Variants in PRKCE observed in about 807,000 individuals in gnomAD.
PRKCE encodes the protein protein kinase C epsilon type.
A neutral mutation model predicts 85.4 loss-of-function variants in PRKCE; 16 were observed. That is an observed-to-expected ratio of 0.19 (90% CI 0.13 to 0.28). PRKCE has a LOEUF of 0.28. PRKCE is among the 10% of genes least tolerant of loss of function. The probability of loss-of-function intolerance (pLI) is 1.00; values close to 1 mark genes in which losing one functional copy is unlikely to be tolerated. For synonymous variants in PRKCE, 388 were observed against 371.5 expected, an observed-to-expected ratio of 1.04 and a Z score of -0.51; for missense variants, 573 against 975.2, an observed-to-expected ratio of 0.59 and a Z score of 5.49.
intron 2 of PRKCE, among the ~76,000 whole-genome samples, chr2:45,963,183 C>T (rs911642612): frequency 1.3e-5 from 2 of 152,066 alleles, no homozygotes; most frequent in Admixed American, 6.5e-5. Context: ...TCAGTAGGAA[C>T]CAAAAAACCA....
At chr2:45,911,283 A>G (rs953514984) in intron 2 of PRKCE, among the ~76,000 whole-genome samples, 1 of 152,200 alleles carries the variant, frequency 6.6e-6, no homozygotes, top group African/African-American at 2.4e-5. Context: ...CTGTTGCACA[A>G]CCTTCCCTAC....
intron 10 of PRKCE, among the ~76,000 whole-genome samples, chr2:46,027,077 G>A (rs548785535): frequency 1.3e-5 from 2 of 152,328 alleles, no homozygotes; most frequent in South Asian, 4.1e-4. Context: ...GCTAAGGTGG[G>A]AGGATCGCTT....
At chr2:46,103,727 T>C (rs1671454280) in intron 11 of PRKCE, among the ~76,000 whole-genome samples, 2 of 152,132 alleles carry the variant, frequency 1.3e-5, no homozygotes, top group South Asian at 2.1e-4. Context: ...ATTCTTAAAA[T>C]GTAAGCTAGA....
intron 1 of PRKCE, among the ~76,000 whole-genome samples, chr2:45,752,993 C>A (rs926444265): frequency 6.6e-6 from 1 of 152,112 alleles, no homozygotes; most frequent in East Asian, 1.9e-4. Flanking sequence ...AGCTTTCCTG[C>A]GGCACACACA....
At chr2:45,916,165 A>C (rs963794263) in intron 2 of PRKCE, among the ~76,000 whole-genome samples, 1 of 144,596 alleles carries the variant, frequency 6.9e-6, no homozygotes, top group African/African-American at 2.4e-5. Flanking sequence ...TTTCCTTTAA[A>C]ATTTTCTAAA....
At chr2:45,988,004 C>G (rs138553817) in intron 6 of PRKCE, among the ~76,000 whole-genome samples, 1 of 152,186 alleles carries the variant, frequency 6.6e-6, no homozygotes, top group African/African-American at 2.4e-5. Context: ...CAAGCATCCC[C>G]GAGCAAGTCC....
rs1574697746 is a variant in PRKCE, at chr2:46,184,229, G to T, written c.2068-506G>T. 2.0e-5 allele frequency among the ~76,000 whole-genome samples: 3 copies of T among 152,278 alleles called. No individual in the cohort carries two copies. The highest frequency in any genetic ancestry group is 6.8e-3 in the Middle Eastern group (2 of 294). ...ACTGGAGCACAAAATTGGGTTCGTG[G>T]TGAGAGTAAGTGGAAATCGAGGCAG... is the stretch of plus-strand genomic sequence containing the variant. On this transcript the variant is annotated intron_variant, in intron 14 of 14. Transcript: ENST00000306156. This position sits in a 1 kb window ranked among gnomAD's most constrained non-coding sequence, Gnocchi z 5.0.
chr2:46,126,423 G>C (rs1047279345), intron 11 of PRKCE, among the ~76,000 whole-genome samples: 3 of 151,960 alleles, frequency 2.0e-5, no homozygotes, highest in Admixed American at 1.3e-4. Flanking sequence ...CCTTAGGAGG[G>C]GCACTGAACC....
chr2:46,048,217 G>A (rs1176474071), intron 10 of PRKCE, among the ~76,000 whole-genome samples: 1 of 152,110 alleles, frequency 6.6e-6, no homozygotes, highest in East Asian at 1.9e-4. Flanking sequence ...CTAGCCATAG[G>A]ACCTTAGGGC....
chr2:46,116,976 T>C (rs12618703), intron 11 of PRKCE, among the ~76,000 whole-genome samples: 4,623 of 152,286 alleles, frequency 0.03, 129 homozygotes, highest in East Asian at 0.11. Flanking sequence ...AAGAAAATTA[T>C]TGGTCAAATT....
chr2:46,033,586 G>A (rs951423990), intron 10 of PRKCE, among the ~76,000 whole-genome samples: 1 of 152,206 alleles, frequency 6.6e-6, no homozygotes, highest in African/African-American at 2.4e-5. Flanking sequence ...CTGCCTGATA[G>A]TGGCATAGAC....
At chr2:45,869,670 ATTTTTCTTTTTG>A (rs1278839608) in intron 2 of PRKCE, among the ~76,000 whole-genome samples, 1 of 119,300 alleles carries the variant, frequency 8.4e-6, no homozygotes, top group African/African-American at 3.2e-5. Context: ...GGTCTGTTAC[ATTTTTCTTTTTG>A]TTTTTGTTTT....
intron 12 of PRKCE, among the ~76,000 whole-genome samples, chr2:46,150,241 G>A (rs1676486504): frequency 6.6e-6 from 1 of 152,172 alleles, no homozygotes. Context: ...AGGAAAAAGA[G>A]AGACAGCATA....
intron 1 of PRKCE, among the ~76,000 whole-genome samples, chr2:45,746,610 T>C (rs1573181025): frequency 1.3e-5 from 2 of 152,234 alleles, no homozygotes; most frequent in East Asian, 1.9e-4. Flanking sequence ...TATTCTTTGA[T>C]GGTTTGTGCC....
chr2:45,910,273 T>C lies in PRKCE; in HGVS notation c.413-66156T>C, dbSNP rs1400218705. Among the ~76,000 whole-genome samples the C allele has an allele frequency of 2.6e-5, 4 of 152,204 alleles. No homozygotes were observed. The East Asian group carries it at 7.7e-4, about 29-fold the overall frequency. ...ATTGTCACTGTGAACTGGTTGTTCT[T>C]GAGTCCCAGTGGCTGTGTGCAGAGT... On this transcript the variant is annotated intron_variant, in intron 2 of 14. Transcript: ENST00000306156.
intron 2 of PRKCE, among the ~76,000 whole-genome samples, chr2:45,939,424 C>T (rs149011507): frequency 3.9e-5 from 6 of 152,272 alleles, no homozygotes; most frequent in African/African-American, 1.2e-4. Flanking sequence ...CATTTCATAC[C>T]GTATTCTCCT....
intron 1 of PRKCE, among the ~76,000 whole-genome samples, chr2:45,662,336 A>G (rs1675707584): frequency 6.6e-6 from 1 of 152,208 alleles, no homozygotes; most frequent in Admixed American, 6.5e-5. Context: ...AATAACATAA[A>G]TATATGATCT....
intron 6 of PRKCE, among the ~76,000 whole-genome samples, chr2:45,988,549 GAGGGGCCAGACCCTTGC>G (rs1703530668): frequency 6.6e-6 from 1 of 152,242 alleles, no homozygotes; most frequent in South Asian, 2.1e-4. Context: ...CACAGCCACA[GAGGGGCCAGACCCTTGC>G]AGGATGCTCA....
chr2:45,705,597 T>A (rs1679050748), intron 1 of PRKCE, among the ~76,000 whole-genome samples: 2 of 152,220 alleles, frequency 1.3e-5, no homozygotes, highest in African/African-American at 2.4e-5. Flanking sequence ...TTTTTTCCAC[T>A]GTCAGATAAA....
Sources: gnomAD v4.1 joint callset for allele counts (sites outside exome capture counted in the v4.1 genomes callset) on GRCh38, gnomAD v4.1.1 for gene constraint, Gnocchi (gnomAD v3.1) non-coding constraint, MANE v1.5 for transcripts, NCBI Gene and HGNC (gene_info 2026-07-23, HGNC 2026-07-21) for gene names.